TMPRSS9: variants seen among roughly 807,000 people sequenced by gnomAD.
TMPRSS9 encodes the protein transmembrane protease serine 9.
A neutral mutation model predicts 111.4 loss-of-function variants in TMPRSS9; 113 were observed. That is an observed-to-expected ratio of 1.01 (90% CI 0.87 to 1.19). TMPRSS9 has a LOEUF of 1.19. Ranked by LOEUF, TMPRSS9 falls within the 50% of genes most tolerant of loss-of-function variation. The probability of loss-of-function intolerance (pLI) is 0.00; values close to 1 mark genes in which losing one functional copy is unlikely to be tolerated. For synonymous variants in TMPRSS9, 805 were observed against 659.1 expected (o/e 1.22, Z -3.39); for missense variants, 1,803 against 1,513.1 (o/e 1.19, Z -3.18).
intron 6 of TMPRSS9, 25 bp from the exon 8 acceptor site, chr19:2,405,349 T>C (rs1218552068): frequency 6.3e-7 from 1 of 1,574,968 alleles, no homozygotes; most frequent in East Asian, 2.4e-5. Context: ...CGTGGGGTCA[T>C]GGCTGGTGAC....
intron 1 of TMPRSS9, among the ~76,000 whole-genome samples, chr19:2,384,160 A>G (rs181332418): frequency 4.7e-4 from 71 of 152,198 alleles, no homozygotes; most frequent in African/African-American, 1.5e-3. Flanking sequence ...GTGGGTTTCT[A>G]ATGGGGAAAA....
Position 2,403,153 on chromosome 19 carries a change from G to A in TMPRSS9, c.628G>A (p.Asp210Asn), listed in dbSNP as rs377689968. 3.7e-6 allele frequency: 6 copies of A among 1,612,198 alleles called. No individual in the cohort carries two copies. Among genetic ancestry groups the A allele is most frequent in the Middle Eastern group, 1.7e-4 (1 of 6,054 alleles). The change falls in exon 6 of 18, where the codon GAC (aspartate) becomes AAC (asparagine). Residue 210 changes from aspartate to asparagine, a missense_variant. Transcript: ENST00000648592. ...GACCAAGGTGAACCCGGAGTGTGACGACCAGGAGGACTGCTCCGATGGGTC... is the reference window on the plus strand; with the variant it reads ...GACCAAGGTGAACCCGGAGTGTGACAACCAGGAGGACTGCTCCGATGGGTC...
chr19:2,425,201 C>G lies in TMPRSS9; in HGVS notation c.2917C>G (p.Pro973Ala), dbSNP rs769806808. The G allele has an allele frequency of 3.3e-6, 5 of 1,514,558 alleles. No homozygotes were observed. In the Admixed American group the frequency reaches 6.1e-5, roughly 18 times the overall value. 93.8% of individuals were successfully genotyped at this position (1,514,558 alleles called of 1,614,324 possible). A position where few individuals can be genotyped will look rare whatever the true frequency, so the allele number is the denominator to read the frequency against. The change falls in exon 16 of 18, where the codon CCC (proline) becomes GCC (alanine). Residue 973 changes from proline (P) to alanine (A), a missense_variant. Physicochemically the swap from Pro to Ala is conservative, Grantham distance 27. Coordinates refer to ENST00000648592, the Ensembl canonical transcript of TMPRSS9. Reference sequence around the variant, plus strand: ...GGTGCGTCCCATCTGCCTGCCCGAGCCCGCGCCGCGACCCCCGGACGGCAC... The same window carrying G: ...GGTGCGTCCCATCTGCCTGCCCGAGGCCGCGCCGCGACCCCCGGACGGCAC...
In TMPRSS9 at chr19:2,424,284, C is replaced by T. The variant is rs765933022; in HGVS notation, c.2717+27C>T. ...TGAGTTCCAAACGCTCCAAATGCCC[C>T]TACATGTCTCTGTAGCTCACCCGGA... On this transcript the variant is annotated intron_variant, in intron 15 of 17. Coordinates refer to ENST00000648592, the Ensembl canonical transcript of TMPRSS9. 4.5e-6 allele frequency: 6 copies of T among 1,331,840 alleles called. No homozygotes were observed. In the East Asian group the frequency reaches 1.1e-4, roughly 25 times the overall value. 82.5% of individuals were successfully genotyped at this position (1,331,840 alleles called of 1,614,324 possible).
intron 1 of TMPRSS9, among the ~76,000 whole-genome samples, chr19:2,363,126 G>GGGAGT (rs1970215403): frequency 6.6e-6 from 1 of 152,228 alleles, no homozygotes; most frequent in Non-Finnish European, 1.5e-5. Context: ...GTGCCCCGCT[G>GGGAGT]CCCACAGCGT....
At chr19:2,361,612 C>A (rs1970199423) in intron 1 of TMPRSS9, among the ~76,000 whole-genome samples, 1 of 152,084 alleles carries the variant, frequency 6.6e-6, no homozygotes, top group South Asian at 2.1e-4. Flanking sequence ...TGGCGTTATC[C>A]CCGCATGACC....
chr19:2,399,571 C>T (rs949512570), intron 4 of TMPRSS9, among the ~76,000 whole-genome samples: 14 of 148,036 alleles, frequency 9.5e-5, no homozygotes, highest in African/African-American at 2.7e-4. Flanking sequence ...AGTGAAACTT[C>T]GTTTCAAAAA....
In TMPRSS9 at chr19:2,421,984, A is replaced by AG; in HGVS notation, c.2288dup (p.Trp764LeufsTer68). On this transcript the variant is annotated frameshift_variant, in exon 14 of 18. Transcript: ENST00000648592. LOFTEE classifies it high-confidence loss of function. ...GTGTACACGCGCATCACCAGGCTAA[A>AG]GGGCTGGATCCTGGAGATCATGTCC... The AG allele has an allele frequency of 6.2e-7, 1 of 1,613,154 alleles. No individual in the cohort carries two copies. The highest frequency in any genetic ancestry group is 1.1e-5 in the South Asian group (1 of 91,086).
intron 6 of TMPRSS9, among the ~76,000 whole-genome samples, chr19:2,403,918 G>A (rs1251092036): frequency 2.6e-5 from 4 of 151,092 alleles, no homozygotes; most frequent in African/African-American, 9.7e-5. Flanking sequence ...GCGTGAACCC[G>A]GGAGGTGGAG....
chr19:2,412,707 AG>A (rs957609570), intron 9 of TMPRSS9, among the ~76,000 whole-genome samples: 12 of 152,168 alleles, frequency 7.9e-5, no homozygotes, highest in African/African-American at 2.7e-4. Flanking sequence ...GTCCACAACC[AG>A]GGATCTCTCC....
chr19:2,401,730 C>T (rs57694414), intron 4 of TMPRSS9, among the ~76,000 whole-genome samples: 35,146 of 151,386 alleles, frequency 0.23, 4,627 homozygotes, highest in African/African-American at 0.36. Context: ...GCCTCAGCCT[C>T]CCGAGTAGCT....
Position 2,425,436 on chromosome 19 carries a change from G to A in TMPRSS9, c.3063G>A (p.Gln1021=), listed in dbSNP as rs375824637. ...CCTGCCGCCGCTTCTACCCAGTGCAGATCAGCAGCCGCATGCTGTGTGCCG... is the reference window on the plus strand; with the variant it reads ...CCTGCCGCCGCTTCTACCCAGTGCAAATCAGCAGCCGCATGCTGTGTGCCG... Residue 1021 remains glutamine, a synonymous_variant, in exon 17 of 18, where the codon CAG becomes CAA. Coordinates refer to ENST00000648592, the Ensembl canonical transcript of TMPRSS9. 536 of 1,591,438 alleles carry A rather than the reference G, an allele frequency of 3.4e-4. 5 individuals carry two copies. In the African/African-American group the frequency reaches 6.4e-3, roughly 19 times the overall value.
rs575876386 is a variant in TMPRSS9 at position 2,371,721 on chromosome 19, A to C, written c.-26+11361A>C. ...AAAAACAACAAAACCAAGAAAAAAA[A>C]AAAACAAAACTAGAATAGCCTTGAG... On this transcript the variant is annotated intron_variant, in intron 1 of 17. Coordinates refer to the TMPRSS9 transcript ENST00000649857. 4.3e-3 allele frequency among the ~76,000 whole-genome samples: 623 copies of C among 144,470 alleles called. 10 individuals are homozygous for C. Among genetic ancestry groups the C allele is most frequent in the African/African-American group, 0.016 (560 of 35,832 alleles). The allele number at this position is 144,470 out of a possible 152,430, so 94.8% of individuals were successfully genotyped here. A position where few individuals can be genotyped will look rare whatever the true frequency, so the allele number is the denominator to read the frequency against.
chr19:2,389,568 A>G (rs12608660), upstream of TMPRSS9, among the ~76,000 whole-genome samples: 76,677 of 151,554 alleles, frequency 0.51, 21,113 homozygotes, highest in Middle Eastern at 0.66. Context: ...GGGTTTCTCC[A>G]TGTTGGCCGG....
In TMPRSS9 at chr19:2,405,371, CAG is replaced by C; in HGVS notation, c.671_672del. Reference sequence around the variant, plus strand: ...TCATGGCTGGTGACCTGCTGTCTTGCAGAGTGTGGCTTGCAGCCTGCCTGGAG... The same window carrying C: ...TCATGGCTGGTGACCTGCTGTCTTGCAGTGTGGCTTGCAGCCTGCCTGGAG... On this transcript the variant is annotated splice_acceptor_variant, in intron 6 of 17. Coordinates refer to ENST00000648592, the Ensembl canonical transcript of TMPRSS9. LOFTEE classifies it high-confidence loss of function. 1 of 1,593,972 alleles carries C rather than the reference CAG, an allele frequency of 6.3e-7. No individual in the cohort carries two copies. Among genetic ancestry groups the C allele is most frequent in the Non-Finnish European group, 8.5e-7 (1 of 1,173,576 alleles).
At position 2,425,354 on chromosome 19, in the gene TMPRSS9, C is replaced by T; in HGVS notation, c.2984-3C>T. 5 of 1,494,564 alleles carry T rather than the reference C, an allele frequency of 3.3e-6. No individual in the cohort carries two copies. Among genetic ancestry groups the T allele is most frequent in the Non-Finnish European group, 3.5e-6 (4 of 1,128,830 alleles). 92.6% of individuals were successfully genotyped at this position (1,494,564 alleles called of 1,614,324 possible). On this transcript the variant is annotated splice_polypyrimidine_tract_variant and splice_region_variant and intron_variant, in intron 16 of 17. Transcript: ENST00000648592. ...CCGCCCCGTCTCGCTCGCCCGCCCG[C>T]AGGCTCCATGGCGCGGCAGCTGCAG...
At chr19:2,383,192 A>G (rs1970406651) in intron 1 of TMPRSS9, among the ~76,000 whole-genome samples, 1 of 152,076 alleles carries the variant, frequency 6.6e-6, no homozygotes, top group African/African-American at 2.4e-5. Context: ...CGTCTCTACT[A>G]AAAATACAAA....
chr19:2,394,353 C>T (rs988056182), intron 1 of TMPRSS9, among the ~76,000 whole-genome samples: 2 of 152,036 alleles, frequency 1.3e-5, no homozygotes, highest in African/African-American at 4.8e-5. Context: ...TGCCACTGCA[C>T]TGAAGCCCGA....
intron 13 of TMPRSS9, among the ~76,000 whole-genome samples, chr19:2,420,129 TC>T (rs1461427088): frequency 1.3e-5 from 2 of 151,716 alleles, no homozygotes; most frequent in Non-Finnish European, 2.9e-5. Flanking sequence ...ACAGCTGCAC[TC>T]CATCCTGGGC....
Sources: gnomAD v4.1 joint callset for allele counts (sites outside exome capture counted in the v4.1 genomes callset) on GRCh38, gnomAD v4.1.1 for gene constraint, MANE v1.5 for transcripts, NCBI Gene and HGNC (gene_info 2026-07-23, HGNC 2026-07-21) for gene names.